PLCH1: variants seen among roughly 807,000 people sequenced by gnomAD.
PLCH1 encodes 1-phosphatidylinositol 4,5-bisphosphate phosphodiesterase eta-1.
PLCH1 carries 60 observed loss-of-function variants against 126.7 expected under a neutral mutation model. That is an observed-to-expected ratio of 0.47 (90% CI 0.38 to 0.59). The LOEUF (loss-of-function observed/expected upper bound fraction) is 0.59, where lower values mean the gene tolerates loss of function less well. Ranked by LOEUF, PLCH1 falls within the 20% of genes least tolerant of loss-of-function variation. The probability of loss-of-function intolerance (pLI) is 0.00; values close to 1 mark genes in which losing one functional copy is unlikely to be tolerated. For missense variants in PLCH1, 1,723 were observed against 2,040.0 expected (o/e 0.84, Z 2.99); for synonymous variants, 719 against 734.9 (o/e 0.98, Z 0.35).
intron 2 of PLCH1, among the ~76,000 whole-genome samples, chr3:155,628,601 C>A (rs1227729796): frequency 6.7e-6 from 1 of 149,514 alleles, no homozygotes; most frequent in Non-Finnish European, 1.5e-5. Context: ...TCTTAAGGCT[C>A]CTGTGTCACA....
rs1302697341 is a variant in PLCH1, at chr3:155,621,126, G to C, written c.80-24748C>G. Among the ~76,000 whole-genome samples the C allele has an allele frequency of 2.0e-5, 3 of 152,170 alleles. No homozygotes were observed. In the East Asian group the frequency reaches 5.8e-4, roughly 29 times the overall value. The stretch of plus-strand genomic sequence containing the variant: ...TGGTGATACCCAGGCAACAGGGTCT[G>C]GAGTGGACCTCCAGCAAACTCCAGC... On this transcript the variant is annotated intron_variant, in intron 2 of 22. Transcript: ENST00000460012.
chr3:155,659,343 T>TTC (rs1559907111), intron 2 of PLCH1, among the ~76,000 whole-genome samples: 3 of 124,980 alleles, frequency 2.4e-5, no homozygotes, highest in Non-Finnish European at 1.6e-5. Context: ...TTTTTTTTTT[T>TTC]CCGAGATAGG....
intron 1 of PLCH1, among the ~76,000 whole-genome samples, chr3:155,732,776 G>T (rs573694946): frequency 3.1e-4 from 47 of 151,384 alleles, no homozygotes; most frequent in Non-Finnish European, 4.7e-4. Flanking sequence ...TACTCAGGAG[G>T]CTGAGGCAGG....
At chr3:155,687,736 A>C (rs1226246668) in intron 2 of PLCH1, among the ~76,000 whole-genome samples, 1 of 152,178 alleles carries the variant, frequency 6.6e-6, no homozygotes, top group East Asian at 1.9e-4. Context: ...ATTTGTCTTT[A>C]AAAAATAACC....
At chr3:155,580,527 C>T (rs1032788322) in intron 6 of PLCH1, among the ~76,000 whole-genome samples, 1 of 151,904 alleles carries the variant, frequency 6.6e-6, no homozygotes, top group Non-Finnish European at 1.5e-5. Context: ...TTAGACTACA[C>T]CAAGAGTAAC....
At chr3:155,711,683 T>C (rs960271558) in intron 1 of PLCH1, among the ~76,000 whole-genome samples, 6 of 152,170 alleles carry the variant, frequency 3.9e-5, no homozygotes, top group Non-Finnish European at 7.3e-5. Flanking sequence ...GTCAGCTTCA[T>C]CCTCTGATTC....
At chr3:155,707,426 C>T (rs896607444) in intron 1 of PLCH1, among the ~76,000 whole-genome samples, 4 of 152,148 alleles carry the variant, frequency 2.6e-5, no homozygotes, top group Admixed American at 6.5e-5. Context: ...CAGTGGCTCA[C>T]GCCTGTAATC....
At chr3:155,614,291 A>T (rs1220041773) in intron 2 of PLCH1, among the ~76,000 whole-genome samples, 1 of 152,220 alleles carries the variant, frequency 6.6e-6, no homozygotes, top group Admixed American at 6.5e-5. Context: ...AACTAGAAAA[A>T]AAAATCCTAA....
chr3:155,719,157 C>T (rs1273321345), intron 1 of PLCH1, among the ~76,000 whole-genome samples: 3 of 152,056 alleles, frequency 2.0e-5, no homozygotes, highest in Non-Finnish European at 4.4e-5. Context: ...GTCTTTTATC[C>T]CTCACCCTCC....
intron 6 of PLCH1, among the ~76,000 whole-genome samples, chr3:155,572,645 T>G (rs999531178): frequency 1.4e-4 from 21 of 152,106 alleles, no homozygotes; most frequent in African/African-American, 5.1e-4. Flanking sequence ...CTTATTTTTT[T>G]CTATTTCTTT....
intron 2 of PLCH1, among the ~76,000 whole-genome samples, chr3:155,665,052 C>A (rs894775519): frequency 1.4e-5 from 2 of 142,348 alleles, no homozygotes; most frequent in African/African-American, 5.0e-5. Context: ...TTGGGCATTG[C>A]CCTTTAAAAC....
intron 10 of PLCH1, among the ~76,000 whole-genome samples, chr3:155,527,436 T>C (rs746495255): frequency 6.6e-6 from 1 of 152,202 alleles, no homozygotes; most frequent in Non-Finnish European, 1.5e-5. Context: ...AGAAATGTCT[T>C]TCTCAGTTTT....
At chr3:155,504,675 C>T (rs774571747) in intron 12 of PLCH1, 49 bp from the exon 13 acceptor site, 3 of 1,329,926 alleles carry the variant, frequency 2.3e-6, no homozygotes, top group African/African-American at 1.4e-5. Flanking sequence ...TTGCTTTTGT[C>T]TTTTTCCTTA....
intron 2 of PLCH1, among the ~76,000 whole-genome samples, chr3:155,683,304 T>C (rs1744679490): frequency 6.6e-6 from 1 of 152,216 alleles, no homozygotes; most frequent in Admixed American, 6.5e-5. Flanking sequence ...GTCATGTCAC[T>C]TTAAATTTTA....
chr3:155,671,783 T>A (rs931698929), intron 2 of PLCH1, among the ~76,000 whole-genome samples: 9 of 152,046 alleles, frequency 5.9e-5, no homozygotes, highest in African/African-American at 2.2e-4. Context: ...AAATCAATAA[T>A]TAATATCAAA....
At position 155,695,569 on chromosome 3, in the gene PLCH1, A is replaced by G. The variant is rs554510267; in HGVS notation, c.79+8577T>C. Among the ~76,000 whole-genome samples, 70 of 152,400 alleles carry G rather than the reference A, an allele frequency of 4.6e-4. 2 individuals are homozygous for G. The South Asian group carries it at 0.014, about 30-fold the overall frequency. ...CAATATTTTATTGAGCACCTACTAT[A>G]TGCAACGCATTGCACTGTGTGCTGC... is the stretch of plus-strand genomic sequence containing the variant. On this transcript the variant is annotated intron_variant, in intron 2 of 22. Transcript: ENST00000460012.
intron 21 of PLCH1, among the ~76,000 whole-genome samples, chr3:155,469,592 C>T (rs1174485880): frequency 2.6e-5 from 4 of 152,242 alleles, no homozygotes; most frequent in Admixed American, 6.5e-5. Context: ...AGGAGGCCTG[C>T]CTGCATCTGT....
At chr3:155,743,103 T>G (rs1749735284) in intron 1 of PLCH1, 5 of 275,990 alleles carry the variant, frequency 1.8e-5, no homozygotes, top group Non-Finnish European at 3.6e-5. Context: ...TTAAGAAAAA[T>G]AAGCAAGAAG....
At chr3:155,607,921 A>C (rs1734560938) in intron 2 of PLCH1, among the ~76,000 whole-genome samples, 1 of 152,220 alleles carries the variant, frequency 6.6e-6, no homozygotes, top group African/African-American at 2.4e-5. Flanking sequence ...AAGAGTTCAC[A>C]GATCCTGTGG....
Sources: gnomAD v4.1 joint callset for allele counts (sites outside exome capture counted in the v4.1 genomes callset) on GRCh38, gnomAD v4.1.1 for gene constraint, MANE v1.5 for transcripts, NCBI Gene and HGNC (gene_info 2026-07-23, HGNC 2026-07-21) for gene names.